The following LRRC4C variants were observed in gnomAD, a reference collection of about 807,000 sequenced individuals.
The protein encoded by LRRC4C is leucine-rich repeat-containing protein 4C.
A neutral mutation model predicts 33.6 loss-of-function variants in LRRC4C; 5 were observed. The ratio of observed to expected loss-of-function variants is 0.15; its 90% confidence interval spans 0.08 to 0.31. The LOEUF is 0.31. Ranked by LOEUF, LRRC4C falls within the 10% of genes least tolerant of loss-of-function variation. The pLI is 1.00. For missense variants in LRRC4C, 560 were observed against 796.7 expected (o/e 0.70, Z 3.58); for synonymous variants, 329 against 302.0 (o/e 1.09, Z -0.93).
intron 2 of LRRC4C, among the ~76,000 whole-genome samples, chr11:40,801,068 A>G (rs779810713): frequency 2.0e-5 from 3 of 151,780 alleles, no homozygotes; most frequent in Non-Finnish European, 4.4e-5. Context: ...ATCAGATGAC[A>G]ATGTCTTGAC....
chr11:41,385,076 T>G (rs1052829940), intron 1 of LRRC4C, among the ~76,000 whole-genome samples: 25 of 150,958 alleles, frequency 1.7e-4, no homozygotes, highest in African/African-American at 6.1e-4. Context: ...TACATGAATC[T>G]AATTATATAG....
chr11:40,165,236 A>G (rs1175915470), intron 5 of LRRC4C, among the ~76,000 whole-genome samples: 1 of 152,174 alleles, frequency 6.6e-6, no homozygotes, highest in Non-Finnish European at 1.5e-5. Flanking sequence ...ATATGTATAT[A>G]TATTCGCATG....
intron 3 of LRRC4C, among the ~76,000 whole-genome samples, chr11:40,525,080 G>C (rs1204971986): frequency 6.6e-6 from 1 of 152,052 alleles, no homozygotes; most frequent in African/African-American, 2.4e-5. Flanking sequence ...AGAAAACAAG[G>C]GCTCATGGAA....
intron 3 of LRRC4C, among the ~76,000 whole-genome samples, chr11:40,458,374 T>A (rs1952234086): frequency 1.3e-5 from 2 of 152,202 alleles, no homozygotes; most frequent in Admixed American, 1.3e-4. Flanking sequence ...GGCAAATATT[T>A]AAGACAATCT....
chr11:40,974,332 C>T (rs1851929986), intron 1 of LRRC4C, among the ~76,000 whole-genome samples: 1 of 152,132 alleles, frequency 6.6e-6, no homozygotes, highest in Non-Finnish European at 1.5e-5. Flanking sequence ...GAATTTAGTA[C>T]ATTTCTATTT....
intron 2 of LRRC4C, among the ~76,000 whole-genome samples, chr11:40,659,882 T>G (rs1443694527): frequency 1.3e-5 from 2 of 152,132 alleles, no homozygotes; most frequent in Non-Finnish European, 2.9e-5. Context: ...TTTATGGATG[T>G]GGGACAAGTA....
At chr11:41,320,527 A>G (rs1047366114) in intron 1 of LRRC4C, among the ~76,000 whole-genome samples, 6 of 152,208 alleles carry the variant, frequency 3.9e-5, no homozygotes, top group Non-Finnish European at 5.9e-5. Flanking sequence ...TAACACACAC[A>G]TACATTTGCC....
intron 3 of LRRC4C, among the ~76,000 whole-genome samples, chr11:40,583,362 G>C (rs913229583): frequency 9.9e-5 from 15 of 152,094 alleles, no homozygotes; most frequent in Admixed American, 4.6e-4. Context: ...TTGAGAAATG[G>C]GCTGCAGAAG....
At chr11:41,191,354 C>T (rs1199138782) in intron 1 of LRRC4C, among the ~76,000 whole-genome samples, 2 of 152,100 alleles carry the variant, frequency 1.3e-5, no homozygotes, top group Non-Finnish European at 2.9e-5. Context: ...TTTTCACTGG[C>T]CTTACACTTG....
At chr11:41,272,628 T>A (rs1949356801) in intron 1 of LRRC4C, among the ~76,000 whole-genome samples, 1 of 152,122 alleles carries the variant, frequency 6.6e-6, no homozygotes, top group African/African-American at 2.4e-5. Flanking sequence ...ATAGCACGTA[T>A]TAAAAAAACT....
At chr11:40,781,757 C>T (rs1187320555) in intron 2 of LRRC4C, among the ~76,000 whole-genome samples, 1 of 152,138 alleles carries the variant, frequency 6.6e-6, no homozygotes, top group Non-Finnish European at 1.5e-5. Context: ...TGCTGAAAAT[C>T]CTGTCTTGAG....
intron 1 of LRRC4C, among the ~76,000 whole-genome samples, chr11:41,155,398 C>T (rs561532959): frequency 6.6e-6 from 1 of 152,126 alleles, no homozygotes; most frequent in Admixed American, 6.6e-5. Flanking sequence ...AAGTTCATTG[C>T]ACAGTAAGCA....
At chr11:40,970,423 T>C (rs1851649252) in intron 1 of LRRC4C, among the ~76,000 whole-genome samples, 1 of 152,112 alleles carries the variant, frequency 6.6e-6, no homozygotes, top group Non-Finnish European at 1.5e-5. Context: ...ACCATGATTG[T>C]AAGATTCCTG....
At chr11:40,722,983 A>G (rs1337997798) in intron 2 of LRRC4C, among the ~76,000 whole-genome samples, 1 of 152,172 alleles carries the variant, frequency 6.6e-6, no homozygotes, top group Non-Finnish European at 1.5e-5. Context: ...AACAGATGAG[A>G]CCAAGCAGGG....
intron 2 of LRRC4C, among the ~76,000 whole-genome samples, chr11:40,862,352 T>A (rs777095775): frequency 6.6e-6 from 1 of 152,146 alleles, no homozygotes; most frequent in Non-Finnish European, 1.5e-5. Context: ...TTTAAAAAAA[T>A]TGATTTCACA....
In LRRC4C at chr11:40,114,722, T is replaced by A; in HGVS notation, c.1571A>T (p.Lys524Met). The change falls in exon 7 of 7, where the codon AAG (lysine) becomes ATG (methionine). Residue 524 changes from lysine to methionine, a missense_variant. Lys to Met is a moderately conservative substitution (Grantham distance 95, BLOSUM62 -1). Coordinates refer to ENST00000528697, the MANE Select transcript of LRRC4C (RefSeq NM_001258419.2). ...ACACCCAATGATGATTTTGGTAGTC[T>A]TCATGACCTCATCAATTCCTGGGAT... ...SGIPGIDEVM[K>M]TTKIIIGCFV... is the part of the protein sequence containing the mutation. The A allele has an allele frequency of 6.2e-7, 1 of 1,614,196 alleles. No homozygotes were observed. The highest frequency in any genetic ancestry group is 2.2e-5 in the East Asian group (1 of 44,872).
At chr11:41,145,703 G>A (rs548516738) in intron 1 of LRRC4C, among the ~76,000 whole-genome samples, 50 of 152,052 alleles carry the variant, frequency 3.3e-4, no homozygotes, top group Non-Finnish European at 6.2e-4. Context: ...TAAATACAGT[G>A]CCAGTACACT....
intron 1 of LRRC4C, among the ~76,000 whole-genome samples, chr11:41,041,232 A>G (rs1857415135): frequency 6.6e-6 from 1 of 152,194 alleles, no homozygotes; most frequent in African/African-American, 2.4e-5. Flanking sequence ...GGTTGGTTAT[A>G]GTTACTGGTC....
At chr11:41,017,548 G>A (rs966888085) in intron 1 of LRRC4C, among the ~76,000 whole-genome samples, 1 of 151,910 alleles carries the variant, frequency 6.6e-6, no homozygotes, top group Admixed American at 6.6e-5. Flanking sequence ...TCAATTACCA[G>A]GCATTGATCT....
Sources: allele counts gnomAD v4.1 joint callset (sites outside exome capture counted in the v4.1 genomes callset), GRCh38; gene constraint gnomAD v4.1.1; transcripts MANE v1.5; gene names NCBI Gene and HGNC (gene_info 2026-07-23, HGNC 2026-07-21).